The following TGM3 variants were observed in gnomAD, a reference collection of about 807,000 sequenced individuals.
TGM3 encodes the protein transglutaminase 3, also known as protein-glutamine gamma-glutamyltransferase E.
In TGM3, 52 loss-of-function variants were observed where a neutral mutation model predicts 73.8. The observed-to-expected ratio is 0.70, with a 90% CI of 0.56 to 0.89. TGM3 has a LOEUF of 0.89. Among genes scored for constraint, TGM3 ranks in the 40% least tolerant of loss-of-function variants. The pLI, the probability that TGM3 is intolerant of heterozygous loss-of-function variation, is 0.00. For synonymous variants in TGM3, 372 were observed against 354.9 expected, an observed-to-expected ratio of 1.05 and a Z score of -0.54; for missense variants, 928 against 909.9, an observed-to-expected ratio of 1.02 and a Z score of -0.26.
In TGM3 at chr20:2,334,245, C is replaced by A. The variant is rs1383392502; in HGVS notation, c.1643-871C>A. On this transcript the variant is annotated intron_variant, in intron 10 of 12. Coordinates refer to ENST00000381458, the MANE Select transcript of TGM3 (RefSeq NM_003245.4). This position sits in a 1 kb window ranked among gnomAD's most constrained non-coding sequence, Gnocchi z 4.0. Reference sequence around the variant, plus strand: ...GGCGAAAAGGTGCCTGTTTTGTCTGCAGAACAAGAAGTGTGGAAGGTTCTT... The same window carrying A: ...GGCGAAAAGGTGCCTGTTTTGTCTGAAGAACAAGAAGTGTGGAAGGTTCTT... Among the ~76,000 whole-genome samples the A allele has an allele frequency of 6.6e-6, 1 of 152,146 alleles. No homozygotes were observed. The highest frequency in any genetic ancestry group is 1.9e-4 in the East Asian group (1 of 5,196).
At chr20:2,302,862 A>T (rs564592116) in intron 1 of TGM3, among the ~76,000 whole-genome samples, 1 of 152,222 alleles carries the variant, frequency 6.6e-6, no homozygotes, top group Non-Finnish European at 1.5e-5. Context: ...GAATATTCAT[A>T]TAATAGACTC....
intron 7 of TGM3, among the ~76,000 whole-genome samples, chr20:2,322,764 A>C (rs1447427963): frequency 1.3e-5 from 2 of 152,228 alleles, no homozygotes; most frequent in Admixed American, 1.3e-4. Flanking sequence ...TAATATATGC[A>C]ATAACACAGG....
intron 5 of TGM3, among the ~76,000 whole-genome samples, chr20:2,316,632 T>C (rs1028641309): frequency 1.3e-5 from 2 of 152,090 alleles, no homozygotes; most frequent in South Asian, 2.1e-4. Flanking sequence ...TAAAGTGATC[T>C]TTTCGTAAGA....
At chr20:2,301,776 C>T (rs534957364) in intron 1 of TGM3, among the ~76,000 whole-genome samples, 4 of 152,170 alleles carry the variant, frequency 2.6e-5, no homozygotes, top group African/African-American at 9.6e-5. Flanking sequence ...TCTCAGCCCA[C>T]TGCAACCTCC....
chr20:2,312,568 A>G (rs1443179559), intron 4 of TGM3, among the ~76,000 whole-genome samples: 1 of 152,168 alleles, frequency 6.6e-6, no homozygotes, highest in Non-Finnish European at 1.5e-5. Flanking sequence ...CCTCCCATGC[A>G]TTCACTTTAA....
chr20:2,310,088 G>C (rs557968237), intron 2 of TGM3, 90 bp from the exon 3 acceptor site: 1 of 1,556,020 alleles, frequency 6.4e-7, no homozygotes, highest in South Asian at 1.2e-5. Context: ...ATTGGCTCAT[G>C]TCCCCCAGAG....
At chr20:2,304,711 C>G (rs533064664) in intron 1 of TGM3, among the ~76,000 whole-genome samples, 3 of 152,156 alleles carry the variant, frequency 2.0e-5, no homozygotes, top group Admixed American at 2.0e-4. Flanking sequence ...TCATACCAAG[C>G]GATTTGCAGT....
chr20:2,321,873 C>A (rs140045358), intron 7 of TGM3, among the ~76,000 whole-genome samples: 6 of 152,336 alleles, frequency 3.9e-5, no homozygotes, highest in African/African-American at 1.2e-4. Flanking sequence ...AGGGAGGAAC[C>A]AGGATGCAGT....
chr20:2,317,211 C>T lies in TGM3; in HGVS notation c.813C>T (p.Gly271=). 6.2e-7 allele frequency: 1 copy of T among 1,614,184 alleles called. No homozygotes were observed. Among genetic ancestry groups the T allele is most frequent in the South Asian group, 1.1e-5 (1 of 91,086 alleles). Residue 271 remains glycine, a synonymous_variant, in exon 6 of 13, where the codon GGC becomes GGT. Transcript: ENST00000381458. ...KKSGFSPVRY[G]QCWVFAGTLN... ...CTGGCTTCAGCCCAGTCCGATATGG[C>T]CAGTGCTGGGTCTTTGCTGGGACCC... is the stretch of plus-strand genomic sequence containing the variant.
chr20:2,296,130 C>T, intron 1 of TGM3, 60 bp downstream of exon 1: 1 of 1,545,896 alleles, frequency 6.5e-7, no homozygotes, highest in Non-Finnish European at 8.7e-7. Context: ...TCCCCTGGGC[C>T]AGCCTGCCAA....
intron 2 of TGM3, 101 bp downstream of exon 2, chr20:2,309,931 G>A: frequency 6.6e-7 from 1 of 1,507,438 alleles, no homozygotes; most frequent in Non-Finnish European, 9.0e-7. Context: ...CTGGCATTGG[G>A]TTCTAGCCTT....
Position 2,317,218 on chromosome 20 carries a change from T to C in TGM3, c.820T>C (p.Trp274Arg). Residue 274 changes from tryptophan to arginine, a missense_variant, in exon 6 of 13, where the codon TGG (tryptophan) becomes CGG (arginine). By Grantham distance (101) the Trp-to-Arg change is moderately radical. Transcript: ENST00000381458. ...GFSPVRYGQC[W>R]VFAGTLNTAL... ...CAGCCCAGTCCGATATGGCCAGTGC[T>C]GGGTCTTTGCTGGGACCCTCAACAC... The C allele has an allele frequency of 6.2e-7, 1 of 1,614,202 alleles. No homozygotes were observed.
chr20:2,307,367 G>A (rs1453974607), intron 1 of TGM3, among the ~76,000 whole-genome samples: 1 of 151,964 alleles, frequency 6.6e-6, no homozygotes, highest in South Asian at 2.1e-4. Flanking sequence ...ACTCTCTCCT[G>A]TCTCACCTTT....
At chr20:2,337,119 A>G (rs745732044) in intron 11 of TGM3, among the ~76,000 whole-genome samples, 35 of 152,164 alleles carry the variant, frequency 2.3e-4, no homozygotes, top group Non-Finnish European at 4.3e-4. Flanking sequence ...CCCTTAGCAC[A>G]ATGTCTTAGT....
chr20:2,325,597 G>T (rs925959560), intron 7 of TGM3, among the ~76,000 whole-genome samples: 2 of 152,192 alleles, frequency 1.3e-5, no homozygotes, highest in African/African-American at 4.8e-5. Flanking sequence ...CCCTGCCATT[G>T]TTAGATGCTT....
intron 3 of TGM3, 138 bp from the exon 4 acceptor site, chr20:2,310,873 G>C (rs974886721): frequency 4.1e-6 from 3 of 729,956 alleles, no homozygotes; most frequent in Non-Finnish European, 4.9e-6. Context: ...AAGAGTTACA[G>C]CCCAAGGGTC....
Position 2,313,017 on chromosome 20 carries a change from G to C in TGM3, c.660G>C (p.Leu220=), listed in dbSNP as rs201570255. 15 of 1,614,056 alleles carry C rather than the reference G, an allele frequency of 9.3e-6. No homozygotes were observed. Among genetic ancestry groups the C allele is most frequent in the African/African-American group, 5.3e-5 (4 of 74,922 alleles). Residue 220 remains leucine, a synonymous_variant, in exon 5 of 13, where the codon CTG becomes CTC. Coordinates refer to ENST00000381458, the MANE Select transcript of TGM3 (RefSeq NM_003245.4). ...ACCCCAAATACGTTGGCCGGGTGCT[G>C]AGTGCCATGGTGAGTAACAGGAAAA... ...RNDPKYVGRV[L]SAMINSNDDN...
intron 1 of TGM3, among the ~76,000 whole-genome samples, chr20:2,303,411 T>A (rs2084161584): frequency 6.6e-6 from 1 of 151,800 alleles, no homozygotes; most frequent in Non-Finnish European, 1.5e-5. Flanking sequence ...AATGGGGAGT[T>A]CCTGCTAATG....
At position 2,310,245 on chromosome 20, in the gene TGM3, C is replaced by T; in HGVS notation, c.249C>T (p.Gly83=). ...VFPLSNGSSG[G]WSAVLQASNG... ...CACTCTCCAATGGCAGTAGTGGTGGCTGGAGTGCGGTGCTTCAGGCCAGCA... is the reference window on the plus strand; with the variant it reads ...CACTCTCCAATGGCAGTAGTGGTGGTTGGAGTGCGGTGCTTCAGGCCAGCA... Residue 83 remains glycine, a synonymous_variant, in exon 3 of 13, where the codon GGC becomes GGT. Transcript: ENST00000381458. 1.9e-6 allele frequency: 3 copies of T among 1,614,212 alleles called. No homozygotes were observed. The highest frequency in any genetic ancestry group is 2.5e-6 in the Non-Finnish European group (3 of 1,180,032).
Sources: gnomAD v4.1 joint callset for allele counts (sites outside exome capture counted in the v4.1 genomes callset) on GRCh38, gnomAD v4.1.1 for gene constraint, Gnocchi (gnomAD v3.1) non-coding constraint, MANE v1.5 for transcripts, NCBI Gene and HGNC (gene_info 2026-07-23, HGNC 2026-07-21) for gene names.